The following ABHD2 variants were observed in gnomAD, a reference collection of about 807,000 sequenced individuals.
ABHD2 encodes the protein monoacylglycerol lipase ABHD2.
In ABHD2, 20 loss-of-function variants were observed where a neutral mutation model predicts 48.1. That is an observed-to-expected ratio of 0.42 (90% CI 0.29 to 0.60). ABHD2 has a LOEUF of 0.60. ABHD2 is among the 20% of genes least tolerant of loss of function. The pLI is 0.24. For synonymous variants in ABHD2, 209 were observed against 214.2 expected (o/e 0.98, Z 0.21); for missense variants, 405 against 550.9 (o/e 0.74, Z 2.65).
rs937355627 is a variant in ABHD2 at position 89,200,918 on chromosome 15, C to G, written c.*5495C>G. The stretch of plus-strand genomic sequence containing the variant: ...CCAACATGGTGAAACCCCTTCTCTA[C>G]TAAAAATGCAAAAATTAGCTGGGTG... On this transcript the variant is annotated 3_prime_UTR_variant, in exon 11 of 11. Coordinates refer to ENST00000352732, the MANE Select transcript of ABHD2 (RefSeq NM_152924.5). 7.0e-6 allele frequency: 3 copies of G among 428,194 alleles called. No homozygotes were observed. The highest frequency in any genetic ancestry group is 1.3e-5 in the Non-Finnish European group (3 of 236,848). 26.5% of individuals were successfully genotyped at this position (428,194 alleles called of 1,614,324 possible). A position where few individuals can be genotyped will look rare whatever the true frequency, so the allele number is the denominator to read the frequency against.
At position 89,174,725 on chromosome 15, in the gene ABHD2, A is replaced by G. The variant is rs181286101; in HGVS notation, c.539-1087A>G. Among the ~76,000 whole-genome samples the G allele has an allele frequency of 6.2e-4, 95 of 152,248 alleles. No individual in the cohort carries two copies. Among genetic ancestry groups the G allele is most frequent in the Non-Finnish European group, 1.1e-3 (73 of 68,006 alleles). On this transcript the variant is annotated intron_variant, in intron 5 of 10. Coordinates refer to ENST00000352732, the MANE Select transcript of ABHD2 (RefSeq NM_152924.5). This position sits in a 1 kb window ranked among gnomAD's most constrained non-coding sequence, Gnocchi z 4.1. ...GTATGTGCTTTGCGTCGACATCCCT[A>G]TCTTTCCATGTTAGATTTTAAATTG...
At chr15:89,139,247 C>A (rs1438378173) in intron 3 of ABHD2, among the ~76,000 whole-genome samples, 5 of 152,116 alleles carry the variant, frequency 3.3e-5, no homozygotes, top group African/African-American at 4.8e-5. Context: ...AGACATGACT[C>A]ACCCAGCTCC....
In ABHD2 at chr15:89,137,488, G is replaced by A. The variant is rs2050334044; in HGVS notation, c.195-14189G>A. The stretch of plus-strand genomic sequence containing the variant: ...TTATAGTTTGCACGATATGCACAAA[G>A]GTCACAGATGTACCAGCCTGGCCCA... On this transcript the variant is annotated intron_variant, in intron 3 of 10. Coordinates refer to ENST00000352732, the MANE Select transcript of ABHD2 (RefSeq NM_152924.5). This position sits in a 1 kb window ranked among gnomAD's most constrained non-coding sequence, Gnocchi z 4.8. 6.6e-6 allele frequency among the ~76,000 whole-genome samples: 1 copy of A among 152,200 alleles called. No homozygotes were observed. Among genetic ancestry groups the A allele is most frequent in the African/African-American group, 2.4e-5 (1 of 41,436 alleles).
At position 89,188,262 on chromosome 15, in the gene ABHD2, C is replaced by T. The variant is rs751663877; in HGVS notation, c.885C>T (p.Tyr295=). The change falls in exon 8 of 11, where the codon TAC becomes TAT. Residue 295 remains tyrosine (Y), a synonymous_variant. Coordinates refer to ENST00000352732, the MANE Select transcript of ABHD2 (RefSeq NM_152924.5). The surrounding 1 kb of genome is among the most constrained non-coding windows in gnomAD (Gnocchi z 4.1). ...SLEDTDLSRL[Y]TATSLMQIDD... ...AAGACACGGACTTGAGCCGGCTCTA[C>T]ACAGCAACATCCCTGATGCAGATTG... 1.2e-6 allele frequency: 2 copies of T among 1,614,228 alleles called. No individual in the cohort carries two copies.
rs2159082 is a variant in ABHD2, at chr15:89,176,820, C to T, written c.722+825C>T. The stretch of plus-strand genomic sequence containing the variant: ...ATCTGATGAAAAAATTTGAAACACA[C>T]GGGAAAGTTTAAAAACACCTCCCTA... On this transcript the variant is annotated intron_variant, in intron 6 of 10. Coordinates refer to ENST00000352732, the MANE Select transcript of ABHD2 (RefSeq NM_152924.5). The surrounding 1 kb of genome is among the most constrained non-coding windows in gnomAD (Gnocchi z 4.5). 0.1 allele frequency among the ~76,000 whole-genome samples: 15,507 copies of T among 152,154 alleles called. 2,567 individuals carry two copies. The highest frequency in any genetic ancestry group is 0.35 in the African/African-American group (14,471 of 41,422).
chr15:89,052,552 CAGACAG>C, the ABHD2 span, among the ~76,000 whole-genome samples: 136 of 132,916 alleles, frequency 1.0e-3, no homozygotes, highest in Non-Finnish European at 1.8e-3. Flanking sequence ...GACAGACAGA[CAGACAG>C]ACACACACAC....
chr15:89,155,684 T>G lies in ABHD2; in HGVS notation c.538+150T>G. On this transcript the variant is annotated intron_variant, in intron 5 of 10. Coordinates refer to ENST00000352732, the MANE Select transcript of ABHD2 (RefSeq NM_152924.5). The surrounding 1 kb of genome is among the most constrained non-coding windows in gnomAD (Gnocchi z 4.9). ...GGTTATATCAACAGCCAACTTGTAC[T>G]GGGCATTGATGATGCCATGCCTCAC... 1.0e-6 allele frequency: 1 copy of G among 961,960 alleles called. No individual in the cohort carries two copies. Among genetic ancestry groups the G allele is most frequent in the South Asian group, 1.7e-5 (1 of 58,742 alleles). 59.6% of individuals were successfully genotyped at this position (961,960 alleles called of 1,614,324 possible). A position where few individuals can be genotyped will look rare whatever the true frequency, so the allele number is the denominator to read the frequency against.
Position 89,175,442 on chromosome 15 carries a change from G to A in ABHD2, c.539-370G>A, listed in dbSNP as rs28735246. 6.6e-6 allele frequency among the ~76,000 whole-genome samples: 1 copy of A among 152,218 alleles called. No individual in the cohort carries two copies. Among genetic ancestry groups the A allele is most frequent in the South Asian group, 2.1e-4 (1 of 4,826 alleles). On this transcript the variant is annotated intron_variant, in intron 5 of 10. Coordinates refer to ENST00000352732, the MANE Select transcript of ABHD2 (RefSeq NM_152924.5). The surrounding 1 kb of genome is among the most constrained non-coding windows in gnomAD (Gnocchi z 5.7). ...TGGCCTAGCTTTTATTTAGGTCTGT[G>A]TGTGAGCATATGTGCTCATGCACAC...
chr15:89,080,657 C>T, the ABHD2 span, among the ~76,000 whole-genome samples: 2 of 151,186 alleles, frequency 1.3e-5, no homozygotes, highest in Non-Finnish European at 2.9e-5. Flanking sequence ...AGCAGGCTGA[C>T]AGCTTAACAA....
At chr15:89,056,908 C>CTTTTTTT in the ABHD2 span, among the ~76,000 whole-genome samples, 13 of 87,438 alleles carry the variant, frequency 1.5e-4, no homozygotes, top group East Asian at 3.9e-4. Flanking sequence ...TAAGTGATAC[C>CTTTTTTT]TTTTTTTTTT....
At chr15:89,117,047 A>G (rs28548597) in intron 3 of ABHD2, among the ~76,000 whole-genome samples, 6,550 of 152,078 alleles carry the variant, frequency 0.043, 471 homozygotes, top group African/African-American at 0.15. Context: ...TTTTTTTTAG[A>G]TAGAGTCTTG....
the ABHD2 span, among the ~76,000 whole-genome samples, chr15:89,058,879 C>T: frequency 6.6e-6 from 1 of 152,310 alleles, no homozygotes; most frequent in East Asian, 1.9e-4. Context: ...GGCGCAGAAG[C>T]CATCCTTTCA....
At chr15:89,144,366 CAA>C (rs1165805876) in intron 3 of ABHD2, among the ~76,000 whole-genome samples, 1 of 152,172 alleles carries the variant, frequency 6.6e-6, no homozygotes, top group Non-Finnish European at 1.5e-5. Flanking sequence ...CTCCTGACCT[CAA>C]GTGATCTGCC....
At chr15:89,165,043 T>C (rs1246393017) in intron 5 of ABHD2, among the ~76,000 whole-genome samples, 1 of 152,220 alleles carries the variant, frequency 6.6e-6, no homozygotes, top group East Asian at 1.9e-4. Flanking sequence ...CATAAAATTC[T>C]TCCTTCTTTG....
At chr15:89,054,228 A>G in the ABHD2 span, among the ~76,000 whole-genome samples, 3 of 151,694 alleles carry the variant, frequency 2.0e-5, no homozygotes, top group Non-Finnish European at 4.4e-5. Context: ...AGGCTGAGGC[A>G]GGAGAATTGC....
At chr15:89,123,599 T>TC (rs2050086685) in intron 3 of ABHD2, among the ~76,000 whole-genome samples, 13 of 137,316 alleles carry the variant, frequency 9.5e-5, no homozygotes, top group African/African-American at 3.7e-4. Flanking sequence ...CTTTCTTTTT[T>TC]TTTTTTTTTT....
At chr15:89,068,597 T>A in the ABHD2 span, among the ~76,000 whole-genome samples, 2 of 151,810 alleles carry the variant, frequency 1.3e-5, no homozygotes, top group Admixed American at 1.3e-4. Context: ...GTAACTGGGG[T>A]CCAAGGGAAG....
rs995201827 is a variant in ABHD2, at chr15:89,200,414, T to A, written c.*4991T>A. ...AGTTGGGCGGCCAGGCAAGCGCTCC[T>A]CACTTCCCAGATGGGGCGGCTCCCG... On this transcript the variant is annotated 3_prime_UTR_variant, in exon 11 of 11. Transcript: ENST00000352732. 1.3e-5 allele frequency: 2 copies of A among 150,584 alleles called. No homozygotes were observed. The highest frequency in any genetic ancestry group is 2.9e-5 in the Non-Finnish European group (2 of 68,206). 9.3% of individuals were successfully genotyped at this position (150,584 alleles called of 1,614,324 possible).
chr15:89,144,324 G>T (rs1013029987), intron 3 of ABHD2, among the ~76,000 whole-genome samples: 2 of 152,066 alleles, frequency 1.3e-5, no homozygotes, highest in African/African-American at 4.8e-5. Context: ...GTAGGGATGG[G>T]GTTTCACCAT....
Sources: gnomAD v4.1 joint callset for allele counts (sites outside exome capture counted in the v4.1 genomes callset) on GRCh38, gnomAD v4.1.1 for gene constraint, Gnocchi (gnomAD v3.1) non-coding constraint, MANE v1.5 for transcripts, NCBI Gene and HGNC (gene_info 2026-07-23, HGNC 2026-07-21) for gene names.